The following SLC10A7 variants were observed in gnomAD, a reference collection of about 807,000 sequenced individuals.
SLC10A7 encodes sodium/bile acid cotransporter 7.
In SLC10A7, 29 loss-of-function variants were observed where a neutral mutation model predicts 43.2. The ratio of observed to expected loss-of-function variants is 0.67; its 90% CI spans 0.50 to 0.92. The LOEUF is 0.92. SLC10A7 is among the 40% of genes least tolerant of loss of function. The pLI is 0.00. For missense variants in SLC10A7, 295 were observed against 403.2 expected (o/e 0.73, Z 2.30); for synonymous variants, 152 against 144.8 (o/e 1.05, Z -0.35).
chr4:146,347,918 A>G (rs1404715489), intron 5 of SLC10A7, among the ~76,000 whole-genome samples: 1 of 152,198 alleles, frequency 6.6e-6, no homozygotes, highest in African/African-American at 2.4e-5. Flanking sequence ...CAATACATAC[A>G]TTGGCTTCTT....
rs1727830394 is a variant in SLC10A7, at chr4:146,255,223, C to G, written c.*1268G>C. ...TCGTAGTTCTATACGTGGCTTCATTCTCTACTTGGGTCCAGTTACAGTTCT... is the reference window on the plus strand; with the variant it reads ...TCGTAGTTCTATACGTGGCTTCATTGTCTACTTGGGTCCAGTTACAGTTCT... On this transcript the variant is annotated 3_prime_UTR_variant, in exon 12 of 12. Transcript: ENST00000335472. The G allele has an allele frequency of 6.6e-6, 1 of 152,646 alleles. No homozygotes were observed. The highest frequency in any genetic ancestry group is 1.5e-5 in the Non-Finnish European group (1 of 68,036). 9.5% of individuals were successfully genotyped at this position (152,646 alleles called of 1,614,324 possible). A position where few individuals can be genotyped will look rare whatever the true frequency, so the allele number is the denominator to read the frequency against.
intron 4 of SLC10A7, among the ~76,000 whole-genome samples, 155 bp from the exon 5 acceptor site, chr4:146,442,976 G>A (rs568840221): frequency 6.6e-6 from 1 of 152,084 alleles, no homozygotes; most frequent in Non-Finnish European, 1.5e-5. Flanking sequence ...ATTGCCAGTG[G>A]CCTGTAGTTT....
intron 5 of SLC10A7, among the ~76,000 whole-genome samples, chr4:146,409,511 G>C (rs1028295966): frequency 1.9e-4 from 29 of 152,044 alleles, no homozygotes; most frequent in African/African-American, 6.5e-4. Flanking sequence ...GGAAACTTTG[G>C]GGGTGATGGA....
chr4:146,331,563 C>A (rs1161300430), intron 5 of SLC10A7, among the ~76,000 whole-genome samples: 1 of 152,150 alleles, frequency 6.6e-6, no homozygotes, highest in Non-Finnish European at 1.5e-5. Flanking sequence ...CCAGAACTAG[C>A]TTTACCATCC....
intron 9 of SLC10A7, among the ~76,000 whole-genome samples, chr4:146,285,895 T>C (rs1299152670): frequency 2.0e-5 from 3 of 147,570 alleles, no homozygotes; most frequent in Non-Finnish European, 3.0e-5. Context: ...AAAGACTGAA[T>C]TTGGAGTGGT....
At chr4:146,389,786 C>T (rs1738283526) in intron 5 of SLC10A7, among the ~76,000 whole-genome samples, 1 of 152,182 alleles carries the variant, frequency 6.6e-6, no homozygotes, top group African/African-American at 2.4e-5. Context: ...TCGGTTTGGC[C>T]TTCTGGCTAT....
At chr4:146,468,683 A>G (rs1350499177) in intron 4 of SLC10A7, among the ~76,000 whole-genome samples, 2 of 151,992 alleles carry the variant, frequency 1.3e-5, no homozygotes, top group Admixed American at 1.3e-4. Flanking sequence ...GCTGGTCTTG[A>G]ACTCCTGACC....
At chr4:146,325,228 A>G (rs1363430032) in intron 6 of SLC10A7, among the ~76,000 whole-genome samples, 1 of 152,224 alleles carries the variant, frequency 6.6e-6, no homozygotes. Flanking sequence ...GTGTGTATGA[A>G]AAGATGCACA....
At chr4:146,305,344 A>G (rs1388728384) in intron 7 of SLC10A7, among the ~76,000 whole-genome samples, 1 of 150,344 alleles carries the variant, frequency 6.7e-6, no homozygotes, top group African/African-American at 2.4e-5. Flanking sequence ...CAAACACCAC[A>G]TATTCTCACT....
At chr4:146,310,137 C>T (rs1731862083) in intron 6 of SLC10A7, among the ~76,000 whole-genome samples, 1 of 152,138 alleles carries the variant, frequency 6.6e-6, no homozygotes, top group African/African-American at 2.4e-5. Context: ...CATGTTGCTG[C>T]AAAGGACATG....
At chr4:146,345,104 G>A (rs1467629571) in intron 5 of SLC10A7, among the ~76,000 whole-genome samples, 1 of 152,142 alleles carries the variant, frequency 6.6e-6, no homozygotes, top group Non-Finnish European at 1.5e-5. Flanking sequence ...GAAAGGTCGA[G>A]CATTTTGAGG....
intron 5 of SLC10A7, among the ~76,000 whole-genome samples, chr4:146,342,156 T>C (rs1297831108): frequency 6.6e-6 from 1 of 151,812 alleles, no homozygotes; most frequent in Non-Finnish European, 1.5e-5. Flanking sequence ...GCTTTATCTT[T>C]TCCCACTTCT....
chr4:146,515,884 T>G (rs1204549151), intron 2 of SLC10A7, among the ~76,000 whole-genome samples: 2 of 114,972 alleles, frequency 1.7e-5, no homozygotes, highest in Admixed American at 1.3e-4. Context: ...CCCTCCAGCC[T>G]GGGCAACAGA....
intron 1 of SLC10A7, among the ~76,000 whole-genome samples, chr4:146,519,036 G>A (rs560094711): frequency 3.9e-5 from 4 of 102,554 alleles, no homozygotes; most frequent in South Asian, 3.1e-4. Context: ...TTCGATATAT[G>A]GACAGAAGAC....
chr4:146,374,050 GC>G (rs1323159538), intron 5 of SLC10A7, among the ~76,000 whole-genome samples: 1 of 152,190 alleles, frequency 6.6e-6, no homozygotes, highest in Non-Finnish European at 1.5e-5. Context: ...AGGAAAATGG[GC>G]AAACTGGAGT....
chr4:146,454,881 T>C (rs1731920243), intron 4 of SLC10A7, among the ~76,000 whole-genome samples: 1 of 151,924 alleles, frequency 6.6e-6, no homozygotes, highest in African/African-American at 2.4e-5. Flanking sequence ...GAAAATACTA[T>C]TTATTTATAC....
intron 4 of SLC10A7, among the ~76,000 whole-genome samples, chr4:146,471,849 T>G (rs6537424): frequency 0.79 from 119,952 of 152,042 alleles, 47,667 homozygotes; most frequent in East Asian, 0.95. Context: ...AAGGCCACAC[T>G]CTTTTCACTA....
intron 6 of SLC10A7, among the ~76,000 whole-genome samples, chr4:146,322,127 G>C (rs1320899345): frequency 6.6e-6 from 1 of 152,070 alleles, no homozygotes; most frequent in Non-Finnish European, 1.5e-5. Context: ...TCTGTGAGTA[G>C]GGGAAAGCTT....
chr4:146,381,339 G>GAACT (rs1344548020), intron 5 of SLC10A7, among the ~76,000 whole-genome samples: 1 of 152,104 alleles, frequency 6.6e-6, no homozygotes, highest in Non-Finnish European at 1.5e-5. Flanking sequence ...TTGTAAAACT[G>GAACT]AACTGTTTAG....
Sources: gnomAD v4.1 joint callset for allele counts (sites outside exome capture counted in the v4.1 genomes callset) on GRCh38, gnomAD v4.1.1 for gene constraint, MANE v1.5 for transcripts, NCBI Gene and HGNC (gene_info 2026-07-23, HGNC 2026-07-21) for gene names.